Variants in BIRC6 observed in about 807,000 individuals in gnomAD.
The protein encoded by BIRC6 is dual E2 ubiquitin-conjugating enzyme/E3 ubiquitin-protein ligase BIRC6.
In BIRC6, 98 loss-of-function variants were observed where a neutral mutation model predicts 503.3. The observed-to-expected ratio is 0.19, with a 90% CI of 0.17 to 0.23. BIRC6 has a LOEUF of 0.23. BIRC6 is among the 10% of genes least tolerant of loss of function. The pLI is 1.00. For missense variants in BIRC6, 5,360 were observed against 5,806.0 expected (o/e 0.92, Z 2.50); for synonymous variants, 2,240 against 2,078.7 (o/e 1.08, Z -2.11).
chr2:32,597,630 A>G (rs2061759604), intron 68 of BIRC6, 121 bp from the exon 69 acceptor site: 1 of 701,892 alleles, frequency 1.4e-6, no homozygotes, highest in Non-Finnish European at 2.4e-6. Flanking sequence ...CACTTTTGCT[A>G]TTCTTCCATG....
intron 61 of BIRC6, among the ~76,000 whole-genome samples, chr2:32,539,145 T>C (rs1465987740): frequency 6.6e-6 from 1 of 152,226 alleles, no homozygotes; most frequent in African/African-American, 2.4e-5. Flanking sequence ...TATGAAAGTA[T>C]TAATTCAGAA....
intron 61 of BIRC6, among the ~76,000 whole-genome samples, chr2:32,540,048 A>G (rs1269827487): frequency 6.6e-6 from 1 of 152,114 alleles, no homozygotes; most frequent in Non-Finnish European, 1.5e-5. Context: ...TATAATGGAT[A>G]AATTCCTTGA....
Position 32,545,835 on chromosome 2 carries a change from C to T in BIRC6, c.12785C>T (p.Pro4262Leu). 6.2e-7 allele frequency: 1 copy of T among 1,613,670 alleles called. No homozygotes were observed. Among genetic ancestry groups the T allele is most frequent in the Non-Finnish European group, 8.5e-7 (1 of 1,179,672 alleles). The change falls in exon 63 of 74, where the codon CCA becomes CTA. Residue 4262 changes from proline (P) to leucine (L), a missense_variant. Physicochemically the swap from Pro to Leu is moderately conservative, Grantham distance 98. Transcript: ENST00000421745. The stretch of plus-strand genomic sequence containing the variant: ...TTGAGCCACCATTCCCCACGAGTTC[C>T]AAACTCTAGCGTGAATCAAACTGAG... ...SALSHHSPRV[P>L]NSSVNQTEPQ... is the part of the protein sequence containing the mutation.
At chr2:32,419,856 T>G (rs2042753970) in intron 10 of BIRC6, among the ~76,000 whole-genome samples, 1 of 152,188 alleles carries the variant, frequency 6.6e-6, no homozygotes, top group African/African-American at 2.4e-5. Context: ...GGTACTTGTT[T>G]CTTGTGGAAA....
At chr2:32,370,157 T>A (rs1053661386) in intron 1 of BIRC6, among the ~76,000 whole-genome samples, 2 of 151,352 alleles carry the variant, frequency 1.3e-5, no homozygotes, top group Non-Finnish European at 2.9e-5. Flanking sequence ...TTGAGAGATA[T>A]AACTGTGATA....
chr2:32,443,542 G>A lies in BIRC6; in HGVS notation c.4290G>A (p.Lys1430=). ...CQPAFGPVLL[K]ALLDNMSFLP... is the part of the protein sequence containing the mutation. ...CAGCATTTGGACCTGTTCTGTTGAA[G>A]GCTTTACTTGATAATATGTCATTTT... The change falls in exon 20 of 74, where the codon AAG becomes AAA. Residue 1430 remains lysine (K), a synonymous_variant. Transcript: ENST00000421745. 9 of 1,609,558 alleles carry A rather than the reference G, an allele frequency of 5.6e-6. No homozygotes were observed. The highest frequency in any genetic ancestry group is 7.6e-6 in the Non-Finnish European group (9 of 1,177,916).
At chr2:32,502,708 T>C in intron 47 of BIRC6, 87 bp from the exon 48 acceptor site, 1 of 989,290 alleles carries the variant, frequency 1.0e-6, no homozygotes, top group Non-Finnish European at 1.4e-6. Flanking sequence ...TTACAAAAAT[T>C]AACTAGGAAG....
At chr2:32,615,434 T>C (rs1407653698) in intron 73 of BIRC6, among the ~76,000 whole-genome samples, 2 of 152,134 alleles carry the variant, frequency 1.3e-5, no homozygotes, top group African/African-American at 4.8e-5. Context: ...CAAGGTAGAG[T>C]TGTTTTTTCC....
At position 32,395,660 on chromosome 2, in the gene BIRC6, C is replaced by T. The variant is rs1259550247; in HGVS notation, c.1034+67C>T. The T allele has an allele frequency of 1.3e-5, 17 of 1,354,988 alleles. No homozygotes were observed. The Admixed American group carries it at 1.5e-4, about 12-fold the overall frequency. 83.9% of individuals were successfully genotyped at this position (1,354,988 alleles called of 1,614,324 possible). ...GTGTAAATAATGCTTCTAAATTTTA[C>T]TTTTCTGCTTATGATATAATTTTTT... is the stretch of plus-strand genomic sequence containing the variant. On this transcript the variant is annotated intron_variant, in intron 6 of 73. Transcript: ENST00000421745.
intron 36 of BIRC6, among the ~76,000 whole-genome samples, chr2:32,479,054 G>C (rs2050087247): frequency 6.6e-6 from 1 of 152,228 alleles, no homozygotes; most frequent in African/African-American, 2.4e-5. Flanking sequence ...GGTTGTTAAA[G>C]TGCATGAATA....
In BIRC6 at chr2:32,551,133, C is replaced by G. The variant is rs1258468138; in HGVS notation, c.13144+1652C>G. Among the ~76,000 whole-genome samples, 19 of 151,452 alleles carry G rather than the reference C, an allele frequency of 1.3e-4. 1 individual carries two copies. Among genetic ancestry groups the G allele is most frequent in the Non-Finnish European group, 2.8e-4 (19 of 67,874 alleles). On this transcript the variant is annotated intron_variant, in intron 65 of 73. Transcript: ENST00000421745. ...AGTAGGTTAAACGGTAGCATGCCTCCTAAATGATATTAAATATGGATTGTT... is the reference window on the plus strand; with the variant it reads ...AGTAGGTTAAACGGTAGCATGCCTCGTAAATGATATTAAATATGGATTGTT...
chr2:32,428,425 G>T (rs557887592), intron 10 of BIRC6, among the ~76,000 whole-genome samples: 1 of 152,262 alleles, frequency 6.6e-6, no homozygotes, highest in Non-Finnish European at 1.5e-5. Context: ...TAAACTGGAC[G>T]CTCTCCATCA....
chr2:32,555,506 C>T (rs1217030235), intron 65 of BIRC6, among the ~76,000 whole-genome samples: 6 of 151,840 alleles, frequency 4.0e-5, no homozygotes, highest in East Asian at 3.9e-4. Flanking sequence ...GGTGTGGTGG[C>T]GCATGCCTGT....
At chr2:32,508,378 C>T in intron 51 of BIRC6, 119 bp downstream of exon 51, 1 of 1,239,662 alleles carries the variant, frequency 8.1e-7, no homozygotes, top group Non-Finnish European at 1.1e-6. Context: ...GGTCTTTGTT[C>T]CATAGGTATC....
At chr2:32,397,061 A>G (rs187660557) in intron 6 of BIRC6, among the ~76,000 whole-genome samples, 58 of 152,260 alleles carry the variant, frequency 3.8e-4, no homozygotes, top group Non-Finnish European at 1.5e-4. Flanking sequence ...ATACTGTAAT[A>G]AAAGTTCTGT....
At chr2:32,512,613 G>C (rs1325410738) in intron 53 of BIRC6, among the ~76,000 whole-genome samples, 2 of 152,048 alleles carry the variant, frequency 1.3e-5, no homozygotes, top group Non-Finnish European at 2.9e-5. Flanking sequence ...TTAATGCTAG[G>C]GTCCAGGGAT....
chr2:32,450,021 G>A lies in BIRC6; in HGVS notation c.4618+1093G>A, dbSNP rs116170965. On this transcript the variant is annotated intron_variant, in intron 22 of 73. Transcript: ENST00000421745. Reference sequence around the variant, plus strand: ...TTGTAATTTATGATTGGAACTAGTAGGAGAGACTAGAACTGGAGATACCAA... The same window carrying A: ...TTGTAATTTATGATTGGAACTAGTAAGAGAGACTAGAACTGGAGATACCAA... Among the ~76,000 whole-genome samples, 442 of 152,276 alleles carry A rather than the reference G, an allele frequency of 2.9e-3. 2 individuals carry two copies. Among genetic ancestry groups the A allele is most frequent in the African/African-American group, 0.01 (425 of 41,546 alleles).
chr2:32,504,645 C>T (rs754411205), intron 49 of BIRC6, among the ~76,000 whole-genome samples: 5 of 150,386 alleles, frequency 3.3e-5, no homozygotes, highest in Admixed American at 2.7e-4. Flanking sequence ...CCAGCCTGGG[C>T]GACAGAGCGA....
chr2:32,490,150 T>C lies in BIRC6; in HGVS notation c.8205T>C (p.Asn2735=). Reference sequence around the variant, plus strand: ...CACTCATGACAAACATGCAGCTTAATTGTAAGTTCATAAATTTATTCATTT... The same window carrying C: ...CACTCATGACAAACATGCAGCTTAACTGTAAGTTCATAAATTTATTCATTT... ...SLTLMTNMQL[N]SGSSSAIGTQ... is the part of the protein sequence containing the mutation. Residue 2735 remains asparagine, a splice_region_variant and synonymous_variant, in exon 43 of 74, where the codon AAT becomes AAC. Transcript: ENST00000421745. The C allele has an allele frequency of 6.9e-6, 11 of 1,589,758 alleles. No individual in the cohort carries two copies. Among genetic ancestry groups the C allele is most frequent in the Non-Finnish European group, 9.5e-6 (11 of 1,158,014 alleles).
Sources: gnomAD v4.1 joint callset for allele counts (sites outside exome capture counted in the v4.1 genomes callset) on GRCh38, gnomAD v4.1.1 for gene constraint, MANE v1.5 for transcripts, NCBI Gene and HGNC (gene_info 2026-07-23, HGNC 2026-07-21) for gene names.